Variants in NARS2 observed in about 807,000 individuals in gnomAD.
NARS2 encodes asparaginyl-tRNA synthetase.
Under a neutral mutation model 62.9 loss-of-function variants are expected in NARS2, and 60 were observed. That is an observed-to-expected ratio of 0.95 (90% confidence interval 0.77 to 1.18). The LOEUF is 1.18. Ranked by LOEUF, NARS2 falls within the 50% of genes most tolerant of loss-of-function variation. The probability of loss-of-function intolerance (pLI) is 0.00; values close to 1 mark genes in which losing one functional copy is unlikely to be tolerated. For synonymous variants in NARS2, 196 were observed against 200.0 expected (o/e 0.98, Z 0.17); for missense variants, 619 against 576.4 (o/e 1.07, Z -0.76).
chr11:78,549,563 C>T (rs1856015864), intron 5 of NARS2, among the ~76,000 whole-genome samples: 1 of 152,164 alleles, frequency 6.6e-6, no homozygotes, highest in South Asian at 2.1e-4. Flanking sequence ...GAAACAGAAA[C>T]AGCTGGGAAG....
At chr11:78,447,045 C>CAA (rs145933087) in intron 11 of NARS2, among the ~76,000 whole-genome samples, 3,004 of 144,464 alleles carry the variant, frequency 0.021, 101 homozygotes, top group African/African-American at 0.072. Context: ...AGACATTTCT[C>CAA]AAAAAAAAAA....
chr11:78,507,613 G>A (rs1030179917), intron 6 of NARS2, among the ~76,000 whole-genome samples: 3 of 150,530 alleles, frequency 2.0e-5, no homozygotes, highest in African/African-American at 7.3e-5. Context: ...TCCGCCTCCC[G>A]GGTTCACGCC....
chr11:78,553,793 T>C (rs1278620023), intron 5 of NARS2, among the ~76,000 whole-genome samples: 2 of 152,236 alleles, frequency 1.3e-5, no homozygotes, highest in Non-Finnish European at 2.9e-5. Context: ...TTTGTTGTAA[T>C]TGCTTTTGAT....
intron 6 of NARS2, among the ~76,000 whole-genome samples, chr11:78,498,550 A>G (rs1853194314): frequency 6.6e-6 from 1 of 152,092 alleles, no homozygotes; most frequent in Non-Finnish European, 1.5e-5. Context: ...TTCCAAAAGT[A>G]TATATCCATC....
intron 4 of NARS2, among the ~76,000 whole-genome samples, chr11:78,565,252 A>C (rs1856705254): frequency 6.6e-6 from 1 of 152,158 alleles, no homozygotes; most frequent in Non-Finnish European, 1.5e-5. Context: ...AACACCAGTA[A>C]CTCTTTAAAA....
chr11:78,544,040 A>AAAAAAAT (rs1367600620), intron 5 of NARS2, among the ~76,000 whole-genome samples: 4 of 148,658 alleles, frequency 2.7e-5, no homozygotes, highest in African/African-American at 7.5e-5. Flanking sequence ...AAAAAAAAAA[A>AAAAAAAT]CTCTCTCTCA....
intron 1 of NARS2, 110 bp downstream of exon 1, chr11:78,574,238 T>C: frequency 7.0e-7 from 1 of 1,437,664 alleles, no homozygotes; most frequent in South Asian, 1.2e-5. Context: ...CTTTCTAACT[T>C]TTCCCTGCTG....
At chr11:78,569,628 T>C (rs1036183915) in intron 2 of NARS2, among the ~76,000 whole-genome samples, 1 of 152,258 alleles carries the variant, frequency 6.6e-6, no homozygotes, top group Non-Finnish European at 1.5e-5. Flanking sequence ...TATTCTTATA[T>C]AATTTATATA....
At chr11:78,512,817 C>T (rs528052806) in intron 6 of NARS2, among the ~76,000 whole-genome samples, 1 of 152,072 alleles carries the variant, frequency 6.6e-6, no homozygotes, top group Admixed American at 6.5e-5. Flanking sequence ...CATATTTATT[C>T]ACAAATATGG....
intron 11 of NARS2, among the ~76,000 whole-genome samples, chr11:78,448,402 C>T (rs1244085688): frequency 3.3e-5 from 5 of 151,358 alleles, no homozygotes; most frequent in South Asian, 4.2e-4. Context: ...CTGCAACCTC[C>T]GCCTCAGCCT....
chr11:78,446,354 C>T (rs558538692), intron 11 of NARS2, among the ~76,000 whole-genome samples: 30 of 152,298 alleles, frequency 2.0e-4, no homozygotes, highest in African/African-American at 6.0e-4. Context: ...TCAGAGTGAG[C>T]AAGAACAGCT....
At chr11:78,523,662 A>C (rs1861204617) in intron 6 of NARS2, among the ~76,000 whole-genome samples, 1 of 152,242 alleles carries the variant, frequency 6.6e-6, no homozygotes, top group Non-Finnish European at 1.5e-5. Context: ...ACATGCTGCA[A>C]GTTGGATGAA....
At chr11:78,460,162 C>A (rs1475011672) in intron 11 of NARS2, among the ~76,000 whole-genome samples, 1 of 152,126 alleles carries the variant, frequency 6.6e-6, no homozygotes, top group Non-Finnish European at 1.5e-5. Context: ...GGAGACACAG[C>A]CACATTCTAC....
intron 9 of NARS2, among the ~76,000 whole-genome samples, chr11:78,471,060 A>G (rs572865990): frequency 5.3e-5 from 8 of 152,254 alleles, no homozygotes; most frequent in Middle Eastern, 3.4e-3. Context: ...CCCTAAAGCT[A>G]TGTTTTGAAA....
intron 6 of NARS2, among the ~76,000 whole-genome samples, chr11:78,522,261 A>G (rs1465327087): frequency 6.6e-6 from 1 of 152,004 alleles, no homozygotes. Context: ...CCTGGTTGAC[A>G]ATCTACTCTC....
chr11:78,511,181 G>C (rs1212600446), intron 6 of NARS2, among the ~76,000 whole-genome samples: 1 of 152,134 alleles, frequency 6.6e-6, no homozygotes, highest in Admixed American at 6.5e-5. Context: ...AGGCTCAAGT[G>C]ATCCTCCTTC....
At chr11:78,553,624 CTAAG>C (rs1483329153) in intron 5 of NARS2, among the ~76,000 whole-genome samples, 2 of 152,102 alleles carry the variant, frequency 1.3e-5, no homozygotes, top group African/African-American at 4.8e-5. Flanking sequence ...TTTTTCTCTT[CTAAG>C]TAAGTTCCTT....
intron 6 of NARS2, among the ~76,000 whole-genome samples, chr11:78,513,454 T>C (rs564764506): frequency 3.9e-5 from 6 of 152,012 alleles, no homozygotes; most frequent in South Asian, 4.2e-4. Context: ...ATGAGTTCAA[T>C]TGTTTTGATT....
chr11:78,498,005 G>C (rs1860130969), intron 6 of NARS2, among the ~76,000 whole-genome samples: 1 of 152,118 alleles, frequency 6.6e-6, no homozygotes, highest in African/African-American at 2.4e-5. Flanking sequence ...AAGTTTGACA[G>C]AGTCTGACAA....
Sources: allele counts gnomAD v4.1 joint callset (sites outside exome capture counted in the v4.1 genomes callset), GRCh38; gene constraint gnomAD v4.1.1; transcripts MANE v1.5; gene names NCBI Gene and HGNC (gene_info 2026-07-23, HGNC 2026-07-21).